CERS6: variants seen among roughly 807,000 people sequenced by gnomAD.
The protein encoded by CERS6 is ceramide synthase 6.
In CERS6, 26 loss-of-function variants were observed where a neutral mutation model predicts 56.8. That is an observed-to-expected ratio of 0.46 (90% CI 0.34 to 0.63). The LOEUF is 0.63. Among genes scored for constraint, CERS6 ranks in the 30% least tolerant of loss-of-function variants. The pLI is 0.01. For synonymous variants in CERS6, 164 were observed against 173.3 expected, an observed-to-expected ratio of 0.95 and a Z score of 0.42; for missense variants, 415 against 467.5, an observed-to-expected ratio of 0.89 and a Z score of 1.04.
rs544878877 is a variant in CERS6, at chr2:168,689,377, T to G, written c.466-1657T>G. 2.0e-5 allele frequency among the ~76,000 whole-genome samples: 3 copies of G among 152,312 alleles called. No homozygotes were observed. In the South Asian group the frequency reaches 6.2e-4, roughly 32 times the overall value. On this transcript the variant is annotated intron_variant, in intron 4 of 9. Coordinates refer to ENST00000305747, the MANE Select transcript of CERS6 (RefSeq NM_203463.3). The stretch of plus-strand genomic sequence containing the variant: ...TATATATGGGTATTTAAAAGTAAAT[T>G]GATCTGTATCATGTTTATATTACAT...
chr2:168,587,350 A>G (rs562994632), intron 3 of CERS6, among the ~76,000 whole-genome samples: 1 of 152,202 alleles, frequency 6.6e-6, no homozygotes, highest in Non-Finnish European at 1.5e-5. Context: ...TGACCTGAGG[A>G]GATCATATCC....
intron 3 of CERS6, among the ~76,000 whole-genome samples, chr2:168,593,638 G>A (rs766853004): frequency 1.1e-4 from 17 of 152,112 alleles, no homozygotes; most frequent in Non-Finnish European, 2.2e-4. Context: ...GTTATAAGCC[G>A]TTTAACTGTG....
intron 8 of CERS6, among the ~76,000 whole-genome samples, chr2:168,753,931 C>T (rs567394912): frequency 6.6e-5 from 10 of 152,240 alleles, no homozygotes; most frequent in African/African-American, 2.2e-4. Flanking sequence ...CTGCCGCCCA[C>T]GCCATGCCCA....
At chr2:168,698,494 G>A (rs1180379325) in intron 6 of CERS6, among the ~76,000 whole-genome samples, 1 of 152,072 alleles carries the variant, frequency 6.6e-6, no homozygotes, top group Non-Finnish European at 1.5e-5. Context: ...ACACACTTTT[G>A]AACAACTAGA....
At chr2:168,742,432 AC>A (rs1683941740) in intron 8 of CERS6, among the ~76,000 whole-genome samples, 1 of 152,052 alleles carries the variant, frequency 6.6e-6, no homozygotes, top group African/African-American at 2.4e-5. Context: ...CACGAGGGAC[AC>A]TCTGGGCTGC....
At chr2:168,707,047 A>G (rs528162952) in intron 6 of CERS6, among the ~76,000 whole-genome samples, 3 of 152,372 alleles carry the variant, frequency 2.0e-5, no homozygotes, top group East Asian at 1.9e-4. Flanking sequence ...GTAAAGTAGG[A>G]TAGCCTGTTG....
At chr2:168,500,882 AAAT>A (rs1694568071) in intron 1 of CERS6, among the ~76,000 whole-genome samples, 2 of 152,234 alleles carry the variant, frequency 1.3e-5, no homozygotes, top group Non-Finnish European at 1.5e-5. Context: ...GTGGGTATCT[AAAT>A]GTTGGGATTT....
intron 6 of CERS6, among the ~76,000 whole-genome samples, chr2:168,705,842 A>G (rs565678950): frequency 6.6e-6 from 1 of 152,236 alleles, no homozygotes; most frequent in Non-Finnish European, 1.5e-5. Flanking sequence ...GGGTTATTGC[A>G]ACAACAAAAA....
chr2:168,588,832 G>A (rs1176842381), intron 3 of CERS6, among the ~76,000 whole-genome samples: 1 of 152,172 alleles, frequency 6.6e-6, no homozygotes, highest in African/African-American at 2.4e-5. Context: ...TCCACCTCCC[G>A]GGTTCAAGCA....
intron 1 of CERS6, among the ~76,000 whole-genome samples, chr2:168,500,648 C>A (rs1174588398): frequency 2.0e-5 from 3 of 152,098 alleles, no homozygotes; most frequent in Non-Finnish European, 4.4e-5. Flanking sequence ...GAAAGGGAAA[C>A]AAACATTAAA....
chr2:168,690,567 A>G (rs571537677), intron 4 of CERS6, among the ~76,000 whole-genome samples: 1 of 152,336 alleles, frequency 6.6e-6, no homozygotes, highest in East Asian at 1.9e-4. Context: ...GTATACCTGC[A>G]TGTCACTGAA....
At chr2:168,670,667 T>G (rs1479352682) in intron 4 of CERS6, among the ~76,000 whole-genome samples, 1 of 152,168 alleles carries the variant, frequency 6.6e-6, no homozygotes, top group African/African-American at 2.4e-5. Flanking sequence ...CCTTCAGGCT[T>G]TTGCTCAAAG....
rs186045339 is a variant in CERS6 at position 168,702,072 on chromosome 2, C to A, written c.609+7021C>A. Among the ~76,000 whole-genome samples, 3 of 152,186 alleles carry A rather than the reference C, an allele frequency of 2.0e-5. No individual in the cohort carries two copies. The East Asian group carries it at 5.8e-4, about 29-fold the overall frequency. ...ATTTTTCTTATTCAGACACACCCAT[C>A]TATTTTTATATTTATATAGATACAA... On this transcript the variant is annotated intron_variant, in intron 6 of 9. Coordinates refer to ENST00000305747, the MANE Select transcript of CERS6 (RefSeq NM_203463.3).
At chr2:168,682,921 C>T (rs947235743) in intron 4 of CERS6, among the ~76,000 whole-genome samples, 1 of 152,126 alleles carries the variant, frequency 6.6e-6, no homozygotes, top group Non-Finnish European at 1.5e-5. Flanking sequence ...ATTAAGAAAA[C>T]GTCAACCCTG....
chr2:168,516,458 C>G (rs1170466229), intron 1 of CERS6, among the ~76,000 whole-genome samples: 2 of 152,118 alleles, frequency 1.3e-5, no homozygotes, highest in Admixed American at 1.3e-4. Flanking sequence ...GGAGCAGATT[C>G]TAGAGCAAGA....
At chr2:168,738,087 G>A (rs1483762885) in intron 8 of CERS6, among the ~76,000 whole-genome samples, 1 of 152,180 alleles carries the variant, frequency 6.6e-6, no homozygotes, top group Non-Finnish European at 1.5e-5. Context: ...CTATTTGTGG[G>A]TATATTTGAA....
chr2:168,630,962 G>C, intron 3 of CERS6, 23 bp from the exon 4 acceptor site: 1 of 1,274,684 alleles, frequency 7.8e-7, no homozygotes, highest in Non-Finnish European at 1.1e-6. Context: ...GAATGTCACA[G>C]ATTTTTTTTT....
chr2:168,520,147 A>G (rs1190965543), intron 1 of CERS6, among the ~76,000 whole-genome samples: 2 of 152,108 alleles, frequency 1.3e-5, no homozygotes, highest in Admixed American at 6.5e-5. Flanking sequence ...ATCTTATCTC[A>G]CTGTGGTTTT....
At chr2:168,756,118 C>A (rs1007355628) in intron 8 of CERS6, among the ~76,000 whole-genome samples, 3 of 152,160 alleles carry the variant, frequency 2.0e-5, no homozygotes, top group African/African-American at 7.2e-5. Context: ...GAGGAGCACA[C>A]AAATGTAGGG....
Sources: gnomAD v4.1 joint callset for allele counts (sites outside exome capture counted in the v4.1 genomes callset) on GRCh38, gnomAD v4.1.1 for gene constraint, MANE v1.5 for transcripts, NCBI Gene and HGNC (gene_info 2026-07-23, HGNC 2026-07-21) for gene names.